The following SGCD variants were observed in gnomAD, a reference collection of about 807,000 sequenced individuals.
SGCD encodes the protein delta-sarcoglycan.
A neutral mutation model predicts 36.6 loss-of-function variants in SGCD; 18 were observed. The observed-to-expected ratio is 0.49, with a 90% CI of 0.34 to 0.73. The LOEUF is 0.73. SGCD is among the 30% of genes least tolerant of loss of function. The pLI is 0.01. For missense variants in SGCD, 387 were observed against 346.7 expected, an observed-to-expected ratio of 1.12 and a Z score of -0.92; for synonymous variants, 133 against 130.6, an observed-to-expected ratio of 1.02 and a Z score of -0.12.
chr5:156,071,824 G>T (rs1299379858), intron 1 of SGCD, among the ~76,000 whole-genome samples: 1 of 152,126 alleles, frequency 6.6e-6, no homozygotes, highest in Admixed American at 6.5e-5. Flanking sequence ...CCTGTATTGG[G>T]TGCATATATA....
At position 156,759,238 on chromosome 5, in the gene SGCD, A is replaced by G. The variant is rs757914401; in HGVS notation, c.721A>G (p.Ile241Val). 2.5e-6 allele frequency: 4 copies of G among 1,613,704 alleles called. No homozygotes were observed. In the African/African-American group the frequency reaches 5.3e-5, roughly 22 times the overall value. ...DGEIKLDAAK[I>V]RLPRLPHGSY... The stretch of plus-strand genomic sequence containing the variant: ...TTAGATTAAGTTAGATGCTGCGAAA[A>G]TCAGGCTACCTAGACTGCCTCATGG... Residue 241 changes from isoleucine (I) to valine (V), a missense_variant, in exon 9 of 9, where the codon ATC becomes GTC. By Grantham distance (29) the Ile-to-Val change is conservative. Coordinates refer to ENST00000337851, the MANE Select transcript of SGCD (RefSeq NM_000337.6).
At chr5:156,284,916 A>G (rs553825197) in intron 3 of SGCD, among the ~76,000 whole-genome samples, 1 of 152,226 alleles carries the variant, frequency 6.6e-6, no homozygotes, top group African/African-American at 2.4e-5. Flanking sequence ...TTGTGTATCT[A>G]GAAAACCCCA....
chr5:155,882,726 A>G (rs999855166), intron 1 of SGCD, among the ~76,000 whole-genome samples: 22 of 152,168 alleles, frequency 1.4e-4, no homozygotes, highest in African/African-American at 4.8e-4. Context: ...CAGATATGCT[A>G]TCATTTAAGC....
At chr5:156,070,614 A>T in intron 1 of SGCD, among the ~76,000 whole-genome samples, 1 of 152,042 alleles carries the variant, frequency 6.6e-6, no homozygotes. Context: ...TGTCTCTGTC[A>T]GGCTTTGGTA....
intron 3 of SGCD, among the ~76,000 whole-genome samples, chr5:156,172,178 G>A (rs907136734): frequency 7.2e-5 from 11 of 152,176 alleles, no homozygotes; most frequent in South Asian, 2.1e-4. Context: ...AAGCTACTCC[G>A]GAGGCTGAGG....
chr5:155,897,695 TTTAAA>T (rs1456827632), intron 1 of SGCD, among the ~76,000 whole-genome samples: 1 of 152,132 alleles, frequency 6.6e-6, no homozygotes, highest in Admixed American at 6.6e-5. Flanking sequence ...TTTTAAACTT[TTTAAA>T]TTAAAAACTA....
intron 4 of SGCD, among the ~76,000 whole-genome samples, chr5:156,576,776 T>C (rs1021132474): frequency 6.6e-6 from 1 of 151,982 alleles, no homozygotes; most frequent in Non-Finnish European, 1.5e-5. Context: ...GGGGTTTTTT[T>C]TTCTTGTAAA....
chr5:155,952,801 G>C (rs1757572361), intron 1 of SGCD, among the ~76,000 whole-genome samples: 2 of 152,092 alleles, frequency 1.3e-5, no homozygotes, highest in Admixed American at 1.3e-4. Flanking sequence ...TTTTGCCTTT[G>C]AAAAGGCAAA....
At chr5:156,535,319 T>C (rs535136453) in intron 4 of SGCD, among the ~76,000 whole-genome samples, 1 of 152,366 alleles carries the variant, frequency 6.6e-6, no homozygotes, top group East Asian at 1.9e-4. Context: ...TAGGTCCTGA[T>C]TATGCTGCTC....
At chr5:156,481,547 C>T (rs1232552699) in intron 3 of SGCD, among the ~76,000 whole-genome samples, 5 of 152,098 alleles carry the variant, frequency 3.3e-5, no homozygotes, top group Non-Finnish European at 7.4e-5. Context: ...CAAAATAGCC[C>T]GTGGGTGCCT....
In SGCD at chr5:156,130,064, A is replaced by G. The variant is rs369675937; in HGVS notation, c.-44+6045A>G. 1.1e-4 allele frequency among the ~76,000 whole-genome samples: 16 copies of G among 152,326 alleles called. No individual in the cohort carries two copies. In the East Asian group the frequency reaches 1.5e-3, roughly 15 times the overall value. ...GCTTTTAGCTGTTTGAAGAATCACC[A>G]TACTGCTTTTCACAGTGGTTGAACT... On this transcript the variant is annotated intron_variant, in intron 3 of 9. Coordinates refer to the SGCD transcript ENST00000517913.
At chr5:155,881,323 T>TAAATAAATAAAGAAAGAAAG (rs942789932) in intron 1 of SGCD, among the ~76,000 whole-genome samples, 37 of 151,400 alleles carry the variant, frequency 2.4e-4, no homozygotes, top group African/African-American at 9.0e-4. Context: ...AATAAATAAA[T>TAAATAAATAAAGAAAGAAAG]AAAGAATATA....
chr5:156,514,674 G>T (rs150308061), intron 4 of SGCD, among the ~76,000 whole-genome samples: 1 of 152,260 alleles, frequency 6.6e-6, no homozygotes, highest in African/African-American at 2.4e-5. Flanking sequence ...TTTTAGAAGT[G>T]GCTTATACCA....
chr5:156,164,767 G>A (rs781398542), intron 3 of SGCD, among the ~76,000 whole-genome samples: 18 of 152,276 alleles, frequency 1.2e-4, no homozygotes, highest in Non-Finnish European at 2.2e-4. Flanking sequence ...TACATGAAGT[G>A]TACAAAACAC....
At chr5:156,383,183 A>G (rs1171399986) in intron 3 of SGCD, among the ~76,000 whole-genome samples, 1 of 152,174 alleles carries the variant, frequency 6.6e-6, no homozygotes, top group African/African-American at 2.4e-5. Context: ...ACTGGGGCTT[A>G]TCAACATGGA....
chr5:156,183,398 A>C (rs574430819), intron 3 of SGCD, among the ~76,000 whole-genome samples: 2 of 152,264 alleles, frequency 1.3e-5, no homozygotes, highest in Admixed American at 1.3e-4. Flanking sequence ...ATACAATAAT[A>C]ACTATTATTA....
chr5:156,312,641 C>A (rs1384261702), intron 3 of SGCD, among the ~76,000 whole-genome samples: 4 of 152,164 alleles, frequency 2.6e-5, no homozygotes, highest in African/African-American at 9.6e-5. Context: ...CTCTTACCCA[C>A]TATTCCACTA....
Position 156,101,939 on chromosome 5 carries a change from T to TGA in SGCD, c.-281-15938_-281-15937insAG, listed in dbSNP as rs1183429857. On this transcript the variant is annotated intron_variant, in intron 1 of 9. Transcript: ENST00000517913. ...GTGTGTGTGTGTGTGTGTGTGTGTG[T>TGA]GTGAGAGAGAGAGAGAGAGAGAGAG... Among the ~76,000 whole-genome samples the TGA allele has an allele frequency of 3.3e-3, 490 of 147,884 alleles. 1 individual carries two copies. The highest frequency in any genetic ancestry group is 9.1e-3 in the African/African-American group (362 of 39,620).
chr5:156,082,729 T>A (rs1233086087), intron 1 of SGCD, among the ~76,000 whole-genome samples: 5 of 152,238 alleles, frequency 3.3e-5, no homozygotes, highest in Non-Finnish European at 4.4e-5. Flanking sequence ...GATAAATCTT[T>A]ATTTCTCTGA....
Sources: allele counts gnomAD v4.1 joint callset (sites outside exome capture counted in the v4.1 genomes callset), GRCh38; gene constraint gnomAD v4.1.1; transcripts MANE v1.5; gene names NCBI Gene and HGNC (gene_info 2026-07-23, HGNC 2026-07-21).